The following COPB1 variants were observed in gnomAD, a reference collection of about 807,000 sequenced individuals.
The protein encoded by COPB1 is coat protein complex I subunit beta 1.
In COPB1, 21 loss-of-function variants were observed where a neutral mutation model predicts 108.7. The ratio of observed to expected loss-of-function variants is 0.19; its 90% confidence interval spans 0.14 to 0.28. The LOEUF is 0.28. Among genes scored for constraint, COPB1 ranks in the 10% least tolerant of loss-of-function variants. The pLI is 1.00. For synonymous variants in COPB1, 378 were observed against 386.8 expected (o/e 0.98, Z 0.27); for missense variants, 919 against 1,141.3 (o/e 0.81, Z 2.81).
chr11:14,461,141 AG>A (rs1850139322), intron 19 of COPB1, 44 bp downstream of exon 19: 1 of 1,611,808 alleles, frequency 6.2e-7, no homozygotes, highest in Non-Finnish European at 8.5e-7. Context: ...AGCAGGCAAA[AG>A]GAAGAAAGAT....
At chr11:14,471,866 G>A (rs1850412205) in intron 14 of COPB1, among the ~76,000 whole-genome samples, 1 of 152,174 alleles carries the variant, frequency 6.6e-6, no homozygotes, top group African/African-American at 2.4e-5. Context: ...AGGTTGCAGT[G>A]AGCTGAGATC....
At chr11:14,487,255 TATTA>T (rs1248568270) in intron 6 of COPB1, among the ~76,000 whole-genome samples, 1 of 152,244 alleles carries the variant, frequency 6.6e-6, no homozygotes, top group Non-Finnish European at 1.5e-5. Context: ...GTCAAAACTC[TATTA>T]CATGGACATG....
chr11:14,461,506 C>G lies in COPB1; in HGVS notation c.2411-175G>C, dbSNP rs188352428. 1.4e-3 allele frequency among the ~76,000 whole-genome samples: 215 copies of G among 152,246 alleles called. 2 individuals are homozygous for G. Among genetic ancestry groups the G allele is most frequent in the Admixed American group, 0.012 (188 of 15,298 alleles). Reference sequence around the variant, plus strand: ...TTATAAATATTACTGGTTTAATACTCCCATCAATTCTGATAGTATTATTAT... The same window carrying G: ...TTATAAATATTACTGGTTTAATACTGCCATCAATTCTGATAGTATTATTAT... On this transcript the variant is annotated intron_variant, in intron 18 of 21. Coordinates refer to ENST00000439561, the MANE Select transcript of COPB1 (RefSeq NM_001144061.2).
chr11:14,493,286 G>A (rs1045840228), intron 4 of COPB1, among the ~76,000 whole-genome samples: 5 of 152,206 alleles, frequency 3.3e-5, no homozygotes, highest in South Asian at 2.1e-4. Context: ...TCCACAAAAC[G>A]AATTCTAAAA....
At chr11:14,474,666 C>T (rs1224871607) in intron 13 of COPB1, 51 bp from the exon 14 acceptor site, 3 of 1,604,004 alleles carry the variant, frequency 1.9e-6, no homozygotes, top group Non-Finnish European at 2.5e-6. Flanking sequence ...AAGCAGCATG[C>T]AGCTTCTGTA....
chr11:14,467,373 CA>C (rs975488658), intron 16 of COPB1, among the ~76,000 whole-genome samples: 3 of 148,848 alleles, frequency 2.0e-5, no homozygotes, highest in Non-Finnish European at 4.5e-5. Context: ...TGGCTATCAT[CA>C]AAAAAAAACA....
At chr11:14,496,168 G>T (rs1331973674) in intron 2 of COPB1, among the ~76,000 whole-genome samples, 2 of 152,048 alleles carry the variant, frequency 1.3e-5, no homozygotes, top group East Asian at 3.8e-4. Flanking sequence ...TTTTCACTCT[G>T]CTCTGTTTAA....
intron 5 of COPB1, 77 bp downstream of exon 5, chr11:14,490,488 A>C (rs2134124514): frequency 2.6e-6 from 2 of 775,468 alleles, no homozygotes; most frequent in Middle Eastern, 3.8e-4. Flanking sequence ...CTGACTAAAA[A>C]CATGATTAAG....
chr11:14,462,665 C>T (rs1192069873), intron 18 of COPB1, among the ~76,000 whole-genome samples: 1 of 152,168 alleles, frequency 6.6e-6, no homozygotes, highest in Non-Finnish European at 1.5e-5. Context: ...CTCTCACATC[C>T]TTCCCTCTCA....
intron 2 of COPB1, 43 bp downstream of exon 2, chr11:14,498,792 GTTT>G: frequency 6.9e-7 from 1 of 1,455,468 alleles, no homozygotes; most frequent in Non-Finnish European, 9.3e-7. Context: ...TTTTATTTTT[GTTT>G]TTTCTTTTTT....
intron 4 of COPB1, among the ~76,000 whole-genome samples, chr11:14,492,841 T>C (rs1421000817): frequency 6.6e-6 from 1 of 152,164 alleles, no homozygotes; most frequent in African/African-American, 2.4e-5. Context: ...GTTCCTTAAA[T>C]TGGTTTAAAA....
intron 21 of COPB1, among the ~76,000 whole-genome samples, chr11:14,458,278 A>C (rs1159923467): frequency 1.3e-5 from 2 of 151,926 alleles, no homozygotes; most frequent in African/African-American, 4.8e-5. Flanking sequence ...TTGGCTTTCA[A>C]AAAATTCTAG....
At position 14,460,261 on chromosome 11, in the gene COPB1, A is replaced by T; in HGVS notation, c.2593T>A (p.Tyr865Asn). 2 of 1,611,794 alleles carry T rather than the reference A, an allele frequency of 1.2e-6. No homozygotes were observed. Among genetic ancestry groups the T allele is most frequent in the Non-Finnish European group, 1.7e-6 (2 of 1,178,732 alleles). The change falls in exon 20 of 22, where the codon TAC (tyrosine) becomes AAC (asparagine). Residue 865 changes from tyrosine to asparagine, a missense_variant. Tyr to Asn is a moderately radical substitution (Grantham distance 143). Transcript: ENST00000439561. ...VNTNMVDLNDYLQHILKSTNM... is the reference protein window; with the variant it reads ...VNTNMVDLNDNLQHILKSTNM... ...GTTGACTTTAATATGTGCTGTAAGT[A>T]GTCATTTAAATCAACCATGTTGGTG...
intron 21 of COPB1, 73 bp from the exon 22 acceptor site, chr11:14,457,956 GC>G: frequency 1.2e-6 from 1 of 864,604 alleles, no homozygotes; most frequent in Admixed American, 3.0e-5. Context: ...ATATTATTAA[GC>G]CCCAATTCAA....
intron 18 of COPB1, among the ~76,000 whole-genome samples, chr11:14,464,671 T>C (rs1338715091): frequency 6.6e-6 from 1 of 152,134 alleles, no homozygotes; most frequent in Non-Finnish European, 1.5e-5. Flanking sequence ...TGGACTACAA[T>C]TATATATTGC....
intron 2 of COPB1, among the ~76,000 whole-genome samples, chr11:14,496,053 T>C (rs976939101): frequency 1.3e-5 from 2 of 152,200 alleles, no homozygotes; most frequent in African/African-American, 4.8e-5. Context: ...CAGGAGGTAT[T>C]CCATTACTGC....
chr11:14,461,319 G>A lies in COPB1; in HGVS notation c.2423C>T (p.Ser808Phe). The stretch of plus-strand genomic sequence containing the variant: ...ACAATTTCTGTCACTTGCTGCTCCA[G>A]AGACATCATAAACTGCAATTACATA... ...IIFGNIVYDV[S>F]GAASDRNCVV... The change falls in exon 19 of 22, where the codon TCT becomes TTT. Residue 808 changes from serine to phenylalanine, a missense_variant. Transcript: ENST00000439561. 6.2e-7 allele frequency: 1 copy of A among 1,613,856 alleles called. No individual in the cohort carries two copies. Among genetic ancestry groups the A allele is most frequent in the African/African-American group, 1.3e-5 (1 of 75,036 alleles).
intron 4 of COPB1, among the ~76,000 whole-genome samples, chr11:14,493,127 C>T (rs957744599): frequency 2.0e-5 from 3 of 152,216 alleles, no homozygotes; most frequent in African/African-American, 4.8e-5. Flanking sequence ...GCCTGGGCAA[C>T]GAGAGTGGAA....
At chr11:14,486,537 T>C in intron 6 of COPB1, 33 bp from the exon 7 acceptor site, 2 of 1,605,172 alleles carry the variant, frequency 1.2e-6, no homozygotes, top group Non-Finnish European at 1.7e-6. Context: ...TTCAACCGAT[T>C]TCAGGAACGC....
Sources: allele counts gnomAD v4.1 joint callset (sites outside exome capture counted in the v4.1 genomes callset), GRCh38; gene constraint gnomAD v4.1.1; transcripts MANE v1.5; gene names NCBI Gene and HGNC (gene_info 2026-07-23, HGNC 2026-07-21).